Variants in RASAL2 observed in about 807,000 individuals in gnomAD.
RASAL2 encodes ras GTPase-activating protein nGAP.
RASAL2 carries 58 observed loss-of-function variants against 128.9 expected under a neutral mutation model. That is an observed-to-expected ratio of 0.45 (90% CI 0.36 to 0.56). RASAL2 has a LOEUF of 0.56. RASAL2 is among the 20% of genes least tolerant of loss of function. RASAL2 has a pLI of 0.00. For missense variants in RASAL2, 1,360 were observed against 1,601.6 expected (o/e 0.85, Z 2.57); for synonymous variants, 561 against 580.8 (o/e 0.97, Z 0.49).
At chr1:178,176,614 A>ATTTT (rs35361851) in intron 1 of RASAL2, among the ~76,000 whole-genome samples, 10 of 145,522 alleles carry the variant, frequency 6.9e-5, no homozygotes, top group African/African-American at 2.3e-4. Context: ...TATTTGTTGC[A>ATTTT]TTTTTTTTTT....
intron 1 of RASAL2, among the ~76,000 whole-genome samples, chr1:178,133,930 A>C (rs1430445898): frequency 6.6e-6 from 1 of 152,214 alleles, no homozygotes. Flanking sequence ...CTTGCTCCTC[A>C]AGATTCTGAT....
chr1:178,377,833 G>A (rs771672804), intron 3 of RASAL2, among the ~76,000 whole-genome samples: 14 of 152,134 alleles, frequency 9.2e-5, no homozygotes, highest in East Asian at 1.9e-4. Flanking sequence ...TGAATTATTC[G>A]AGAAAAGGAT....
intron 1 of RASAL2, among the ~76,000 whole-genome samples, chr1:178,118,297 G>T (rs373507829): frequency 6.6e-6 from 1 of 152,026 alleles, no homozygotes; most frequent in Admixed American, 6.6e-5. Flanking sequence ...GGGTGGGGAC[G>T]ATTCAAGCTC....
At position 178,452,429 on chromosome 1, in the gene RASAL2, G is replaced by T; in HGVS notation, c.1786G>T (p.Glu596Ter). The T allele has an allele frequency of 6.2e-7, 1 of 1,613,970 alleles. No homozygotes were observed. The highest frequency in any genetic ancestry group is 1.1e-5 in the South Asian group (1 of 91,072). ...TTCCTTCCCTAGTGTTTTCCCTCGT[G>T]AGTTGAAAGAAGTGTTTGCATCATG... ...IINSYCVFPR[E>*]LKEVFASWKQ... Residue 596 changes from glutamate (E) to a stop codon, truncating the protein, a stop_gained, in exon 11 of 18, where the codon GAG becomes TAG. Coordinates refer to ENST00000367649, the MANE Select transcript of RASAL2 (RefSeq NM_170692.4). LOFTEE classifies it high-confidence loss of function.
rs1321343054 is a variant in RASAL2 at position 178,474,082 on chromosome 1, A to G, written c.*843A>G. ...ACTATAAATATTTGTGTCTCCACAT[A>G]CCATCTTCATCTTCACACATTCACT... On this transcript the variant is annotated 3_prime_UTR_variant, in exon 18 of 18. Transcript: ENST00000367649. 1 of 152,604 alleles carries G rather than the reference A, an allele frequency of 6.6e-6. No individual in the cohort carries two copies. The highest frequency in any genetic ancestry group is 2.4e-5 in the African/African-American group (1 of 41,448). The allele number at this position is 152,604 out of a possible 1,614,324, so 9.5% of individuals were successfully genotyped here. A position where few individuals can be genotyped will look rare whatever the true frequency, so the allele number is the denominator to read the frequency against.
At chr1:178,376,748 C>T (rs1672008131) in intron 3 of RASAL2, among the ~76,000 whole-genome samples, 1 of 152,070 alleles carries the variant, frequency 6.6e-6, no homozygotes, top group African/African-American at 2.4e-5. Context: ...TAAGGATCTT[C>T]TCTTAATATT....
chr1:178,458,491 A>G lies in RASAL2; in HGVS notation c.3199A>G (p.Arg1067Gly). 1 of 1,614,022 alleles carries G rather than the reference A, an allele frequency of 6.2e-7. No individual in the cohort carries two copies. Among genetic ancestry groups the G allele is most frequent in the Non-Finnish European group, 8.5e-7 (1 of 1,179,946 alleles). Residue 1067 changes from arginine to glycine, a missense_variant, in exon 14 of 18, where the codon AGA (arginine) becomes GGA (glycine). By Grantham distance (125) the Arg-to-Gly change is moderately radical. Transcript: ENST00000367649. ...GTCCCGGCAGCAGTCCTCTTCCTCC[A>G]GAGAGAGCCCTGTTCCCAAAGTTAG... Reference protein sequence around the residue: ...SRSRQQSSSSRESPVPKVRAI... With the variant: ...SRSRQQSSSSGESPVPKVRAI...
chr1:178,240,642 T>G (rs57349659), intron 1 of RASAL2, among the ~76,000 whole-genome samples: 2 of 151,854 alleles, frequency 1.3e-5, no homozygotes, highest in Non-Finnish European at 2.9e-5. Context: ...GAATTTATCT[T>G]AAATGAAAAT....
At chr1:178,381,858 A>C (rs1571967279) in intron 3 of RASAL2, among the ~76,000 whole-genome samples, 1 of 152,278 alleles carries the variant, frequency 6.6e-6, no homozygotes, top group Non-Finnish European at 1.5e-5. Context: ...AAAAGGTTTA[A>C]ATAAAGGTGT....
intron 1 of RASAL2, among the ~76,000 whole-genome samples, chr1:178,246,691 T>C (rs907714404): frequency 6.6e-6 from 1 of 152,172 alleles, no homozygotes; most frequent in African/African-American, 2.4e-5. Flanking sequence ...CAGTATGATA[T>C]TGGCTGTGGG....
intron 1 of RASAL2, among the ~76,000 whole-genome samples, chr1:178,153,921 T>C (rs1660992916): frequency 6.6e-6 from 1 of 152,134 alleles, no homozygotes; most frequent in African/African-American, 2.4e-5. Flanking sequence ...CTGCAACCTC[T>C]ACCTCCTGGG....
chr1:178,378,772 T>C (rs1377499359), intron 3 of RASAL2, among the ~76,000 whole-genome samples: 1 of 152,150 alleles, frequency 6.6e-6, no homozygotes, highest in African/African-American at 2.4e-5. Context: ...GGAATATCAC[T>C]AAAATAGTTC....
intron 1 of RASAL2, among the ~76,000 whole-genome samples, chr1:178,163,508 T>A (rs1661406470): frequency 6.6e-6 from 1 of 152,204 alleles, no homozygotes; most frequent in African/African-American, 2.4e-5. Flanking sequence ...TCTAACTTTA[T>A]ACTTCTGCAT....
In RASAL2 at chr1:178,465,981, A is replaced by T; in HGVS notation, c.3449A>T (p.Glu1150Val). ...AGAGTTTCCAGCCGGCGACTGGAGGAATATGAACGCCGCTTGCTGGTGCAG... is the reference window on the plus strand; with the variant it reads ...AGAGTTTCCAGCCGGCGACTGGAGGTATATGAACGCCGCTTGCTGGTGCAG... ...RLRVSSRRLEEYERRLLVQEQ... is the reference protein window; with the variant it reads ...RLRVSSRRLEVYERRLLVQEQ... Residue 1150 changes from glutamate to valine, a missense_variant, in exon 16 of 18, where the codon GAA becomes GTA. Physicochemically the swap from Glu to Val is moderately radical, Grantham distance 121. Coordinates refer to ENST00000367649, the MANE Select transcript of RASAL2 (RefSeq NM_170692.4). 3.2e-6 allele frequency: 5 copies of T among 1,558,166 alleles called. No homozygotes were observed. The highest frequency in any genetic ancestry group is 1.4e-5 in the African/African-American group (1 of 73,648).
intron 1 of RASAL2, among the ~76,000 whole-genome samples, chr1:178,209,446 A>G (rs929065332): frequency 6.6e-6 from 1 of 152,174 alleles, no homozygotes; most frequent in Non-Finnish European, 1.5e-5. Flanking sequence ...TCAGTATTTT[A>G]GAGGCATTCA....
intron 1 of RASAL2, among the ~76,000 whole-genome samples, chr1:178,148,390 A>G (rs1660800283): frequency 6.6e-6 from 1 of 152,116 alleles, no homozygotes; most frequent in African/African-American, 2.4e-5. Flanking sequence ...TAATTTTATT[A>G]AACGCATAGT....
chr1:178,162,394 ATTATATATT>A (rs1284639084), intron 1 of RASAL2, among the ~76,000 whole-genome samples: 14 of 113,966 alleles, frequency 1.2e-4, no homozygotes, highest in East Asian at 2.1e-4. Context: ...TATTATATAT[ATTATATATT>A]TTATATATTA....
At chr1:178,299,939 G>C in intron 2 of RASAL2, 53 bp from the exon 3 acceptor site, 2 of 1,575,308 alleles carry the variant, frequency 1.3e-6, no homozygotes, top group South Asian at 1.2e-5. Context: ...CAATCAGAAC[G>C]TAGTTATGGT....
chr1:178,466,678 C>T lies in RASAL2; in HGVS notation c.3590+556C>T, dbSNP rs552216893. The stretch of plus-strand genomic sequence containing the variant: ...TCTCATTTTACAAATAAACAGGCAA[C>T]AAATTCATTAAGTCACTTGCCCAAG... On this transcript the variant is annotated intron_variant, in intron 16 of 17. Coordinates refer to ENST00000367649, the MANE Select transcript of RASAL2 (RefSeq NM_170692.4). Among the ~76,000 whole-genome samples, 8 of 152,320 alleles carry T rather than the reference C, an allele frequency of 5.3e-5. No homozygotes were observed. The South Asian group carries it at 1.7e-3, about 32-fold the overall frequency.
Sources: allele counts gnomAD v4.1 joint callset (sites outside exome capture counted in the v4.1 genomes callset), GRCh38; gene constraint gnomAD v4.1.1; transcripts MANE v1.5; gene names NCBI Gene and HGNC (gene_info 2026-07-23, HGNC 2026-07-21).